Variants in UTS2B observed in about 807,000 individuals in gnomAD.
The protein encoded by UTS2B is urotensin 2B, also known as urotensin-2B.
Under a neutral mutation model 19.2 loss-of-function variants are expected in UTS2B, and 21 were observed. The observed-to-expected ratio is 1.09, with a 90% confidence interval of 0.78 to 1.58. UTS2B has a LOEUF of 1.58. Among genes scored for constraint, UTS2B ranks in the 40% most tolerant of loss-of-function variants. UTS2B has a pLI of 0.00. For missense variants in UTS2B, 138 were observed against 130.3 expected (o/e 1.06, Z -0.29); for synonymous variants, 57 against 50.2 (o/e 1.14, Z -0.58).
At chr3:191,323,860 G>C (rs1365319802) in intron 2 of UTS2B, among the ~76,000 whole-genome samples, 3 of 152,206 alleles carry the variant, frequency 2.0e-5, no homozygotes, top group Non-Finnish European at 2.9e-5. Flanking sequence ...GTTGGAGAGA[G>C]AGAAGTGGTA....
chr3:191,308,951 A>G lies in UTS2B; in HGVS notation c.-181-4403T>C, dbSNP rs548309769. 2.6e-5 allele frequency among the ~76,000 whole-genome samples: 4 copies of G among 152,358 alleles called. No homozygotes were observed. In the South Asian group the frequency reaches 8.3e-4, roughly 32 times the overall value. ...AGATAATTGAGGACTGTATTACAAA[A>G]GAGACTAGGACCATTAACATAGTCA... On this transcript the variant is annotated intron_variant, in intron 3 of 8. Transcript: ENST00000340524.
chr3:191,309,660 T>C (rs1717237191), intron 3 of UTS2B, among the ~76,000 whole-genome samples: 1 of 152,156 alleles, frequency 6.6e-6, no homozygotes, highest in African/African-American at 2.4e-5. Context: ...TTCTCATGAA[T>C]GGATTAGTAC....
chr3:191,279,743 A>G (rs1716332439), intron 5 of UTS2B, among the ~76,000 whole-genome samples: 1 of 152,050 alleles, frequency 6.6e-6, no homozygotes, highest in East Asian at 1.9e-4. Context: ...TCTTATCACT[A>G]TCTCTTAAGA....
Position 191,268,176 on chromosome 3 carries a change from G to A in UTS2B, c.*240C>T, listed in dbSNP as rs961183697. ...AATCTTGGTGATATGAAACCTCCCT[G>A]ACTGCACGTCCATTCATAGGCTCTC... On this transcript the variant is annotated 3_prime_UTR_variant, in exon 9 of 9. Transcript: ENST00000340524. The A allele has an allele frequency of 3.2e-6, 1 of 315,778 alleles. No homozygotes were observed. The highest frequency in any genetic ancestry group is 6.0e-6 in the Non-Finnish European group (1 of 165,692). 19.6% of individuals were successfully genotyped at this position (315,778 alleles called of 1,614,324 possible). A position where few individuals can be genotyped will look rare whatever the true frequency, so the allele number is the denominator to read the frequency against.
chr3:191,278,887 T>C (rs75668070), intron 5 of UTS2B, among the ~76,000 whole-genome samples: 4,843 of 152,166 alleles, frequency 0.032, 267 homozygotes, highest in African/African-American at 0.11. Flanking sequence ...CCATGAACTT[T>C]AGTGAGATGG....
At chr3:191,271,950 G>A (rs958486057) in intron 8 of UTS2B, among the ~76,000 whole-genome samples, 11 of 152,110 alleles carry the variant, frequency 7.2e-5, no homozygotes, top group African/African-American at 2.2e-4. Context: ...AGACTTCTCT[G>A]TATTTCCTAG....
intron 4 of UTS2B, among the ~76,000 whole-genome samples, chr3:191,294,202 C>T (rs1032913421): frequency 6.6e-6 from 1 of 151,902 alleles, no homozygotes; most frequent in Non-Finnish European, 1.5e-5. Context: ...ATTAGACATA[C>T]CGTTCTACCC....
chr3:191,275,963 A>G (rs1716226596), intron 7 of UTS2B, among the ~76,000 whole-genome samples: 1 of 152,152 alleles, frequency 6.6e-6, no homozygotes, highest in Admixed American at 6.5e-5. Context: ...GAACATGTAA[A>G]TACAGCCTGT....
chr3:191,284,658 C>G (rs141212373), intron 4 of UTS2B, among the ~76,000 whole-genome samples: 1 of 151,000 alleles, frequency 6.6e-6, no homozygotes, highest in South Asian at 2.1e-4. Flanking sequence ...CAGTGACTCA[C>G]GCTTGTAATC....
intron 3 of UTS2B, among the ~76,000 whole-genome samples, chr3:191,312,990 C>T (rs1193910840): frequency 6.6e-6 from 1 of 150,920 alleles, no homozygotes; most frequent in Non-Finnish European, 1.5e-5. Context: ...GATAAGTGTA[C>T]ATTTAACATT....
At chr3:191,335,763 C>G in the UTS2B span, among the ~76,000 whole-genome samples, 1 of 152,094 alleles carries the variant, frequency 6.6e-6, no homozygotes, top group African/African-American at 2.4e-5. Context: ...GTGGTTCTTT[C>G]CTTTTTCTTT....
In UTS2B at chr3:191,295,415, T is replaced by C. The variant is rs1032322707; in HGVS notation, c.-125+9077A>G. On this transcript the variant is annotated intron_variant, in intron 4 of 8. Coordinates refer to ENST00000340524, the MANE Select transcript of UTS2B (RefSeq NM_198152.5). ...TTCTTTTTTTCTCCTACTTTCCTGG[T>C]TATACTTTTTCGGCTTCTTTTAGCA... Among the ~76,000 whole-genome samples, 3 of 152,020 alleles carry C rather than the reference T, an allele frequency of 2.0e-5. No individual in the cohort carries two copies. The East Asian group carries it at 5.8e-4, about 29-fold the overall frequency.
the UTS2B span, among the ~76,000 whole-genome samples, chr3:191,337,125 G>A: frequency 2.0e-5 from 3 of 151,580 alleles, no homozygotes; most frequent in Non-Finnish European, 2.9e-5. Context: ...CAGAGACCAC[G>A]TGATTGGCAA....
intron 5 of UTS2B, among the ~76,000 whole-genome samples, chr3:191,280,956 G>A (rs1321915642): frequency 2.0e-5 from 3 of 152,052 alleles, no homozygotes; most frequent in African/African-American, 7.2e-5. Flanking sequence ...TGATTCCCAG[G>A]CTTGTATTTA....
chr3:191,290,765 A>T (rs897160169), intron 4 of UTS2B, among the ~76,000 whole-genome samples: 1 of 152,252 alleles, frequency 6.6e-6, no homozygotes, highest in African/African-American at 2.4e-5. Context: ...TATAATTTAC[A>T]GGGAACAGAT....
intron 3 of UTS2B, among the ~76,000 whole-genome samples, chr3:191,309,680 G>A (rs75710787): frequency 0.019 from 2,930 of 152,124 alleles, 79 homozygotes; most frequent in African/African-American, 0.068. Flanking sequence ...CCAACCCCTC[G>A]ATGCTGTTTT....
chr3:191,285,190 C>T (rs116681376), intron 4 of UTS2B, among the ~76,000 whole-genome samples: 1 of 151,166 alleles, frequency 6.6e-6, no homozygotes, highest in Non-Finnish European at 1.5e-5. Flanking sequence ...ATTGTGACAT[C>T]AAAAACATAA....
intron 4 of UTS2B, among the ~76,000 whole-genome samples, chr3:191,299,318 T>A (rs1716933414): frequency 6.6e-6 from 1 of 152,222 alleles, no homozygotes; most frequent in Admixed American, 6.5e-5. Flanking sequence ...TCCCATCATA[T>A]GCCCAGAGGT....
chr3:191,282,017 C>A (rs540708209), intron 5 of UTS2B, 70 bp downstream of exon 5: 16 of 1,147,660 alleles, frequency 1.4e-5, no homozygotes, highest in South Asian at 4.2e-5. Context: ...GCAGAAAAAT[C>A]AAATTTGTTC....
Sources: allele counts gnomAD v4.1 joint callset (sites outside exome capture counted in the v4.1 genomes callset), GRCh38; gene constraint gnomAD v4.1.1; transcripts MANE v1.5; gene names NCBI Gene and HGNC (gene_info 2026-07-23, HGNC 2026-07-21).